The following BICDL1 variants were observed in gnomAD, a reference collection of about 807,000 sequenced individuals.
BICDL1 encodes BICD family-like cargo adapter 1.
BICDL1 carries 20 observed loss-of-function variants against 76.8 expected under a neutral mutation model. That is an observed-to-expected ratio of 0.26 (90% CI 0.18 to 0.38). The LOEUF (loss-of-function observed/expected upper bound fraction) is 0.38. BICDL1 is among the 10% of genes least tolerant of loss of function. The pLI, the probability that BICDL1 is intolerant of heterozygous loss-of-function variation, is 1.00. For synonymous variants in BICDL1, 383 were observed against 337.1 expected (o/e 1.14, Z -1.49); for missense variants, 700 against 798.6 (o/e 0.88, Z 1.49).
At chr12:120,069,792 C>G (rs909564566) in intron 4 of BICDL1, among the ~76,000 whole-genome samples, 1 of 152,160 alleles carries the variant, frequency 6.6e-6, no homozygotes, top group East Asian at 1.9e-4. Flanking sequence ...CCATGGAGAT[C>G]AAGATACAGA....
At chr12:120,063,356 C>A (rs548146069) in intron 3 of BICDL1, among the ~76,000 whole-genome samples, 3 of 152,220 alleles carry the variant, frequency 2.0e-5, no homozygotes, top group Non-Finnish European at 2.9e-5. Flanking sequence ...GACAATATTT[C>A]TTTGTTTGGC....
chr12:120,093,746 CG>C lies in BICDL1; in HGVS notation c.*589del, dbSNP rs917284283. On this transcript the variant is annotated 3_prime_UTR_variant, in exon 10 of 10. Coordinates refer to ENST00000548673, the MANE Select transcript of BICDL1 (RefSeq NM_001367886.1). The stretch of plus-strand genomic sequence containing the variant: ...GCCTCTGGCCGCAGGGTCTAAGAGC[CG>C]GGGCTTACCCAAGCTCAGCTGAGGC... 5 of 173,028 alleles carry C rather than the reference CG, an allele frequency of 2.9e-5. No homozygotes were observed. The highest frequency in any genetic ancestry group is 5.0e-5 in the Non-Finnish European group (4 of 79,840). 10.7% of individuals were successfully genotyped at this position (173,028 alleles called of 1,614,324 possible).
chr12:119,997,551 T>C (rs1473480130), intron 1 of BICDL1, among the ~76,000 whole-genome samples: 1 of 152,202 alleles, frequency 6.6e-6, no homozygotes, highest in East Asian at 1.9e-4. Context: ...CTAATGATTT[T>C]GAATTACATT....
intron 2 of BICDL1, among the ~76,000 whole-genome samples, chr12:120,009,112 C>T (rs904432103): frequency 1.3e-5 from 2 of 151,990 alleles, no homozygotes; most frequent in South Asian, 2.1e-4. Context: ...CTCAGCGTCC[C>T]GAGTAGCTGG....
At chr12:119,991,479 G>T (rs1446761287) in intron 1 of BICDL1, among the ~76,000 whole-genome samples, 2 of 152,198 alleles carry the variant, frequency 1.3e-5, no homozygotes, top group African/African-American at 4.8e-5. Flanking sequence ...AACTAGGTCT[G>T]CCAGTCGATG....
intron 2 of BICDL1, among the ~76,000 whole-genome samples, chr12:120,009,996 A>AC: frequency 1.3e-5 from 2 of 152,124 alleles, no homozygotes; most frequent in East Asian, 3.9e-4. Flanking sequence ...GATTCTGCAA[A>AC]CTTGAATGTG....
chr12:120,029,382 T>C (rs901556487), intron 2 of BICDL1, among the ~76,000 whole-genome samples: 16 of 152,336 alleles, frequency 1.1e-4, no homozygotes, highest in African/African-American at 3.4e-4. Flanking sequence ...TTGATTATTA[T>C]AACTTAGTGT....
At chr12:120,080,818 CCT>C (rs1566266015) in intron 7 of BICDL1, 67 bp from the exon 8 acceptor site, 5 of 1,574,400 alleles carry the variant, frequency 3.2e-6, no homozygotes. Context: ...TCTCTTTGTT[CCT>C]TTTTCCCTCT....
At chr12:120,013,033 G>A (rs1043818291) in intron 2 of BICDL1, among the ~76,000 whole-genome samples, 12 of 151,946 alleles carry the variant, frequency 7.9e-5, no homozygotes, top group Non-Finnish European at 1.3e-4. Context: ...CCTGTGGGCC[G>A]GTAATGGTGG....
chr12:120,077,024 G>A (rs1312971357), intron 7 of BICDL1, among the ~76,000 whole-genome samples: 1 of 152,210 alleles, frequency 6.6e-6, no homozygotes, highest in African/African-American at 2.4e-5. Context: ...TGGGGGCAAG[G>A]CCCAGACATG....
chr12:119,992,891 A>T (rs537346473), intron 1 of BICDL1: 1 of 152,336 alleles, frequency 6.6e-6, no homozygotes, highest in South Asian at 2.1e-4. Flanking sequence ...CTATTGAATA[A>T]TGAGACTGGT....
At chr12:119,993,353 G>A (rs1012068710) in intron 1 of BICDL1, 1 of 152,112 alleles carries the variant, frequency 6.6e-6, no homozygotes, top group Non-Finnish European at 1.5e-5. Flanking sequence ...CTGGTTCTGT[G>A]TGCCAAGCCC....
intron 1 of BICDL1, among the ~76,000 whole-genome samples, chr12:119,994,897 T>A (rs564274227): frequency 1.3e-5 from 2 of 151,906 alleles, no homozygotes; most frequent in Non-Finnish European, 2.9e-5. Flanking sequence ...CATCTTATAA[T>A]AGTATGGTAC....
chr12:120,049,419 TTTTTA>T (rs1223906285), intron 2 of BICDL1, among the ~76,000 whole-genome samples: 1 of 152,236 alleles, frequency 6.6e-6, no homozygotes, highest in Admixed American at 6.5e-5. Flanking sequence ...TATATGTGTC[TTTTTA>T]TTTTAAAGAG....
At chr12:119,993,619 CTTT>C (rs768811880) in intron 1 of BICDL1, among the ~76,000 whole-genome samples, 4 of 139,714 alleles carry the variant, frequency 2.9e-5, no homozygotes, top group Non-Finnish European at 4.7e-5. Flanking sequence ...AAAGTTGTTT[CTTT>C]TTTTTTTTTT....
Position 120,054,970 on chromosome 12 carries a change from T to C in BICDL1, c.646-6740T>C, listed in dbSNP as rs549985785. ...TTGTAAGTAATTGTACACACACATA[T>C]ATGTAGAAAGATTGGGGAAAAAATA... On this transcript the variant is annotated intron_variant, in intron 2 of 9. Coordinates refer to ENST00000548673, the MANE Select transcript of BICDL1 (RefSeq NM_001367886.1). Among the ~76,000 whole-genome samples, 3 of 152,306 alleles carry C rather than the reference T, an allele frequency of 2.0e-5. No individual in the cohort carries two copies. In the South Asian group the frequency reaches 6.2e-4, roughly 32 times the overall value.
chr12:120,063,097 G>A (rs543525349), intron 3 of BICDL1, among the ~76,000 whole-genome samples: 53 of 152,238 alleles, frequency 3.5e-4, no homozygotes, highest in African/African-American at 1.2e-3. Flanking sequence ...GTGTAGCTCC[G>A]AACTAAGTTT....
At chr12:120,003,856 CA>C (rs1951805146) in intron 2 of BICDL1, among the ~76,000 whole-genome samples, 2 of 152,152 alleles carry the variant, frequency 1.3e-5, no homozygotes, top group Non-Finnish European at 2.9e-5. Flanking sequence ...TTAGCTTTTA[CA>C]AAAAATTCTC....
chr12:120,003,855 AC>A (rs1951805096), intron 2 of BICDL1, among the ~76,000 whole-genome samples: 1 of 152,162 alleles, frequency 6.6e-6, no homozygotes, highest in Non-Finnish European at 1.5e-5. Context: ...TTTAGCTTTT[AC>A]AAAAAATTCT....
Sources: gnomAD v4.1 joint callset for allele counts (sites outside exome capture counted in the v4.1 genomes callset) on GRCh38, gnomAD v4.1.1 for gene constraint, MANE v1.5 for transcripts, NCBI Gene and HGNC (gene_info 2026-07-23, HGNC 2026-07-21) for gene names.